The following TYK2 variants were observed in gnomAD, a reference collection of about 807,000 sequenced individuals.
TYK2 encodes the protein non-receptor tyrosine-protein kinase TYK2.
TYK2 carries 65 observed loss-of-function variants against 130.9 expected under a neutral mutation model. The ratio of observed to expected loss-of-function variants is 0.50; its 90% CI spans 0.41 to 0.61. The LOEUF (loss-of-function observed/expected upper bound fraction) is 0.61. Among genes scored for constraint, TYK2 ranks in the 20% least tolerant of loss-of-function variants. The pLI is 0.00. For missense variants in TYK2, 1,378 were observed against 1,610.7 expected, an observed-to-expected ratio of 0.86 and a Z score of 2.47; for synonymous variants, 647 against 658.9, an observed-to-expected ratio of 0.98 and a Z score of 0.28.
rs755578020 is a variant in TYK2, at chr19:10,354,082, G to T, written c.2868C>A (p.His956Gln). The change falls in exon 20 of 25, where the codon CAC becomes CAA. Residue 956 changes from histidine (H) to glutamine (Q), a missense_variant. Coordinates refer to ENST00000525621, the MANE Select transcript of TYK2 (RefSeq NM_003331.5). ...AGCCCTTGTACTTGATGATGTGCTC[G>T]TGGTAGAGCGTGCGCAGAATGTCAA... is the stretch of plus-strand genomic sequence containing the variant. ...QEIDILRTLY[H>Q]EHIIKYKGCC... 2.5e-6 allele frequency: 4 copies of T among 1,614,098 alleles called. No individual in the cohort carries two copies. The highest frequency in any genetic ancestry group is 1.7e-6 in the Non-Finnish European group (2 of 1,180,034).
At chr19:10,359,099 T>G in intron 15 of TYK2, 76 bp downstream of exon 15, 1 of 1,571,204 alleles carries the variant, frequency 6.4e-7, no homozygotes, top group South Asian at 1.1e-5. Context: ...TCTCGCCCTG[T>G]TGCCCAGGCT....
At chr19:10,372,484 ATTTTT>A (rs1170442654) in intron 3 of TYK2, among the ~76,000 whole-genome samples, 1 of 37,438 alleles carries the variant, frequency 2.7e-5, no homozygotes, top group Non-Finnish European at 4.5e-5. Flanking sequence ...ATATATATAT[ATTTTT>A]TTTTTTTTTT....
In TYK2 at chr19:10,356,628, G is replaced by T. The variant is rs936927398; in HGVS notation, c.2557C>A (p.Pro853Thr). ...GTGCGGAATGATGGCCTCTGGGTTGGCTCATAGGTCAGACACTGGCTGGTG... is the reference window on the plus strand; with the variant it reads ...GTGCGGAATGATGGCCTCTGGGTTGTCTCATAGGTCAGACACTGGCTGGTG... ...TLTSQCLTYEPTQRPSFRTIL... is the reference protein window; with the variant it reads ...TLTSQCLTYETTQRPSFRTIL... The change falls in exon 18 of 25, where the codon CCA becomes ACA. Residue 853 changes from proline to threonine, a missense_variant. Coordinates refer to ENST00000525621, the MANE Select transcript of TYK2 (RefSeq NM_003331.5). The T allele has an allele frequency of 1.2e-6, 2 of 1,613,608 alleles. No homozygotes were observed. Among genetic ancestry groups the T allele is most frequent in the Non-Finnish European group, 1.7e-6 (2 of 1,179,972 alleles).
At chr19:10,359,430 G>A in intron 14 of TYK2, 128 bp from the exon 15 acceptor site, 1 of 1,175,846 alleles carries the variant, frequency 8.5e-7, no homozygotes, top group Middle Eastern at 1.9e-4. Context: ...GGTGTGGGTG[G>A]AGTTTGGTCT....
rs1278923062 is a variant in TYK2 at position 10,362,564 on chromosome 19, C to T, written c.1461G>A (p.Val487=). 2 of 1,555,268 alleles carry T rather than the reference C, an allele frequency of 1.3e-6. No individual in the cohort carries two copies. Among genetic ancestry groups the T allele is most frequent in the South Asian group, 1.2e-5 (1 of 84,418 alleles). ...TSHPYRLILT[V]AQRSQAPDGM... is the part of the protein sequence containing the mutation. ...CTGGGCTCACCTGGCTACGCTGGGC[C>T]ACTGTGAGGATCAGGCGGTAGGGGT... is the stretch of plus-strand genomic sequence containing the variant. Residue 487 remains valine (V), a synonymous_variant, in exon 10 of 25, where the codon GTG becomes GTA. Transcript: ENST00000525621.
rs1212916823 is a variant in TYK2, at chr19:10,361,123, G to C, written c.2047+388C>G. The C allele has an allele frequency of 4.1e-6, 2 of 492,634 alleles. No individual in the cohort carries two copies. The highest frequency in any genetic ancestry group is 3.9e-6 in the Non-Finnish European group (1 of 255,420). The allele number at this position is 492,634 out of a possible 1,614,324, so 30.5% of individuals were successfully genotyped here. ...GTTAGGCAGGGTTGGATGTGCAGGG[G>C]CTGAGGCCTAGGAGAATCAGCACAC... On this transcript the variant is annotated intron_variant, in intron 14 of 24. Transcript: ENST00000525621. This position sits in a 1 kb window ranked among gnomAD's most constrained non-coding sequence, Gnocchi z 4.0.
chr19:10,377,374 AGATGGATGAATAGGTGGGTGGGTG>A (rs1568346182), intron 3 of TYK2, among the ~76,000 whole-genome samples: 1 of 74,534 alleles, frequency 1.3e-5, no homozygotes, highest in South Asian at 4.9e-4. Flanking sequence ...ATGGATGGAT[AGATGGATGAATAGGTGGGTGGGTG>A]GGTGGATGGA....
chr19:10,363,131 C>T (rs776889092), intron 9 of TYK2, among the ~76,000 whole-genome samples: 25 of 151,912 alleles, frequency 1.6e-4, no homozygotes, highest in Non-Finnish European at 3.4e-4. Context: ...CAGCCTCAGC[C>T]TCCCAAAGTG....
At chr19:10,376,169 T>C (rs1183536904) in intron 3 of TYK2, among the ~76,000 whole-genome samples, 9 of 151,190 alleles carry the variant, frequency 6.0e-5, no homozygotes, top group Middle Eastern at 3.4e-3. Context: ...CCTGCCACCA[T>C]GCCTGGCTAC....
In TYK2 at chr19:10,365,585, C is replaced by G. The variant is rs1275439476; in HGVS notation, c.943G>C (p.Glu315Gln). 6.2e-7 allele frequency: 1 copy of G among 1,614,114 alleles called. No homozygotes were observed. Among genetic ancestry groups the G allele is most frequent in the Non-Finnish European group, 8.5e-7 (1 of 1,180,016 alleles). Residue 315 changes from glutamate (E) to glutamine (Q), a missense_variant, in exon 7 of 25, where the codon GAG becomes CAG. Coordinates refer to ENST00000525621, the MANE Select transcript of TYK2 (RefSeq NM_003331.5). ...PESAAGPPTH[E>Q]VLVTGTGGIQ... is the part of the protein sequence containing the mutation. ...CCACCAGTGCCTGTCACCAGCACCTCGTGGGTTGGGGGCCCAGCAGCAGAC... is the reference window on the plus strand; with the variant it reads ...CCACCAGTGCCTGTCACCAGCACCTGGTGGGTTGGGGGCCCAGCAGCAGAC...
intron 14 of TYK2, among the ~76,000 whole-genome samples, chr19:10,359,699 G>A (rs192968355): frequency 1.3e-5 from 2 of 151,704 alleles, no homozygotes; most frequent in East Asian, 3.9e-4. Context: ...AAAAAATACA[G>A]CCGGGCGCGG....
At position 10,361,431 on chromosome 19, in the gene TYK2, G is replaced by A; in HGVS notation, c.2047+80C>T. On this transcript the variant is annotated intron_variant, in intron 14 of 24. Transcript: ENST00000525621. This position sits in a 1 kb window ranked among gnomAD's most constrained non-coding sequence, Gnocchi z 4.0. ...GGCATAGGTTGGGGTGTAGGTCGAG[G>A]GTTGGGGTACAGATCAGGGAGTGGG... 1 of 1,371,582 alleles carries A rather than the reference G, an allele frequency of 7.3e-7. No homozygotes were observed. Among genetic ancestry groups the A allele is most frequent in the Non-Finnish European group, 1.0e-6 (1 of 995,720 alleles). The allele number at this position is 1,371,582 out of a possible 1,614,324, so 85.0% of individuals were successfully genotyped here.
In TYK2 at chr19:10,354,054, A is replaced by C. The variant is rs763754692; in HGVS notation, c.2896T>G (p.Cys966Gly). The C allele has an allele frequency of 1.3e-5, 21 of 1,614,002 alleles. No homozygotes were observed. The highest frequency in any genetic ancestry group is 5.0e-5 in the Admixed American group (3 of 60,006). Residue 966 changes from cysteine to glycine, a missense_variant, in exon 20 of 25, where the codon TGC (cysteine) becomes GGC (glycine). By Grantham distance (159) the Cys-to-Gly change is radical. Transcript: ENST00000525621. ...HEHIIKYKGC[C>G]EDQGEKSLQL... Reference sequence around the variant, plus strand: ...GGGTCCCGCCCACCTTGGTCCTCGCAGCAGCCCTTGTACTTGATGATGTGC... The same window carrying C: ...GGGTCCCGCCCACCTTGGTCCTCGCCGCAGCCCTTGTACTTGATGATGTGC...
At position 10,363,137 on chromosome 19, in the gene TYK2, A is replaced by G. The variant is rs573456455; in HGVS notation, c.1368-480T>C. Among the ~76,000 whole-genome samples, 10 of 150,972 alleles carry G rather than the reference A, an allele frequency of 6.6e-5. No homozygotes were observed. The East Asian group carries it at 1.2e-3, about 18-fold the overall frequency. On this transcript the variant is annotated intron_variant, in intron 9 of 24. Transcript: ENST00000525621. ...CTGATCTGCCAGCCTCAGCCTCCCA[A>G]AGTGCTGGGATTACAGGCATGAGCC...
Position 10,352,512 on chromosome 19 carries a change from ATAG to A in TYK2, c.3237_3239del (p.Tyr1080del), listed in dbSNP as rs1321320482. 6.3e-7 allele frequency: 1 copy of A among 1,596,554 alleles called. No individual in the cohort carries two copies. Among genetic ancestry groups the A allele is most frequent in the Non-Finnish European group, 8.5e-7 (1 of 1,169,752 alleles). Reference sequence around the variant, plus strand: ...CCCCGAAGGACCAGACATCTGACGCATAGTAGAACTTATACTCCTTCAGGCACT... The same window carrying A: ...CCCCGAAGGACCAGACATCTGACGCATAGAACTTATACTCCTTCAGGCACT... On this transcript the variant is annotated inframe_deletion, in exon 23 of 25. Coordinates refer to ENST00000525621, the MANE Select transcript of TYK2 (RefSeq NM_003331.5).
At chr19:10,357,724 C>A in intron 17 of TYK2, 40 bp downstream of exon 17, 1 of 1,565,966 alleles carries the variant, frequency 6.4e-7, no homozygotes. Context: ...CTTGGAGGGG[C>A]CCCCACTGCG....
rs774986370 is a variant in TYK2 at position 10,362,142 on chromosome 19, C to T, written c.1709G>A (p.Ser570Asn). ...CTGGCTGAGGTTGAGTGTCCTGGGGCTGGCCCGAGCCCCCCGCATGATGAT... is the reference window on the plus strand; with the variant it reads ...CTGGCTGAGGTTGAGTGTCCTGGGGTTGGCCCGAGCCCCCCGCATGATGAT... ...NLIIMRGARA[S>N]PRTLNLSQLS... Residue 570 changes from serine (S) to asparagine (N), a missense_variant, in exon 12 of 25, where the codon AGC becomes AAC. Coordinates refer to ENST00000525621, the MANE Select transcript of TYK2 (RefSeq NM_003331.5). The T allele has an allele frequency of 1.9e-6, 3 of 1,613,938 alleles. No homozygotes were observed. Among genetic ancestry groups the T allele is most frequent in the Non-Finnish European group, 2.5e-6 (3 of 1,180,028 alleles).
At position 10,370,777 on chromosome 19, in the gene TYK2, A is replaced by C. The variant is rs2041879203; in HGVS notation, c.194-2359T>G. On this transcript the variant is annotated intron_variant, in intron 3 of 24. Coordinates refer to ENST00000525621, the MANE Select transcript of TYK2 (RefSeq NM_003331.5). ...GGTTGCAGTGAGCCGAGATCACGCCACTGCGCTCCAGCCTGGGTGAAAGAG... is the reference window on the plus strand; with the variant it reads ...GGTTGCAGTGAGCCGAGATCACGCCCCTGCGCTCCAGCCTGGGTGAAAGAG... 2.0e-5 allele frequency among the ~76,000 whole-genome samples: 3 copies of C among 152,098 alleles called. No individual in the cohort carries two copies. In the South Asian group the frequency reaches 6.2e-4, roughly 31 times the overall value.
chr19:10,352,808 A>G (rs1396483800), intron 22 of TYK2, 118 bp downstream of exon 22: 1 of 1,342,120 alleles, frequency 7.5e-7, no homozygotes, highest in Non-Finnish European at 1.0e-6. Context: ...CCGCACCGCT[A>G]GGCCCCGCCG....
Sources: gnomAD v4.1 joint callset for allele counts (sites outside exome capture counted in the v4.1 genomes callset) on GRCh38, gnomAD v4.1.1 for gene constraint, Gnocchi (gnomAD v3.1) non-coding constraint, MANE v1.5 for transcripts, NCBI Gene and HGNC (gene_info 2026-07-23, HGNC 2026-07-21) for gene names.